Variants in PCDHA6 observed in about 807,000 individuals in gnomAD.
The protein encoded by PCDHA6 is protocadherin alpha-6.
PCDHA6 carries 55 observed loss-of-function variants against 60.3 expected under a neutral mutation model. The observed-to-expected ratio is 0.91, with a 90% CI of 0.73 to 1.14. The LOEUF is 1.14. Among genes scored for constraint, PCDHA6 ranks in the 50% most tolerant of loss-of-function variants. The pLI is 0.00. For synonymous variants in PCDHA6, 652 were observed against 557.9 expected (o/e 1.17, Z -2.38); for missense variants, 1,327 against 1,256.5 (o/e 1.06, Z -0.85).
chr5:140,844,004 C>G (rs1427252169), intron 1 of PCDHA6, among the ~76,000 whole-genome samples: 1 of 149,654 alleles, frequency 6.7e-6, no homozygotes, highest in Non-Finnish European at 1.5e-5. Context: ...CTGAACAATA[C>G]TCTAAGGACG....
intron 1 of PCDHA6, chr5:140,929,269 A>G (rs138062218): frequency 3.0e-5 from 49 of 1,611,106 alleles, no homozygotes; most frequent in African/African-American, 5.3e-5. Context: ...GAATTTGCCA[A>G]TATCCTGTAT....
At position 140,968,861 on chromosome 5, in the gene PCDHA6, C is replaced by G; in HGVS notation, c.2395-10088C>G. 1.9e-6 allele frequency: 3 copies of G among 1,614,182 alleles called. No homozygotes were observed. In the South Asian group the frequency reaches 3.3e-5, roughly 18 times the overall value. ...CACTCAGAGGCATGTTAAGAGCCCT[C>G]GGACATACTCTGAAATTACCCTTTA... is the stretch of plus-strand genomic sequence containing the variant. On this transcript the variant is annotated intron_variant, in intron 1 of 3. Coordinates refer to ENST00000529310, the MANE Select transcript of PCDHA6 (RefSeq NM_018909.4).
intron 1 of PCDHA6, chr5:140,843,709 C>A: frequency 6.3e-7 from 1 of 1,574,864 alleles, no homozygotes; most frequent in Non-Finnish European, 8.7e-7. Flanking sequence ...TTGATCATGG[C>A]CTCAAAGTAA....
intron 1 of PCDHA6, among the ~76,000 whole-genome samples, chr5:140,935,276 T>TA (rs1447867343): frequency 6.6e-6 from 1 of 152,226 alleles, no homozygotes; most frequent in African/African-American, 2.4e-5. Flanking sequence ...ACTAATCTAA[T>TA]AAAGTTCAGC....
At chr5:140,979,063 A>G (rs1245308340) in intron 2 of PCDHA6, 56 bp downstream of exon 2, 3 of 1,604,438 alleles carry the variant, frequency 1.9e-6, no homozygotes, top group East Asian at 4.5e-5. Context: ...TATGGCTCAG[A>G]TAAACTGCAT....
intron 1 of PCDHA6, chr5:140,843,534 C>T: frequency 6.3e-7 from 1 of 1,596,028 alleles, no homozygotes; most frequent in Non-Finnish European, 8.6e-7. Flanking sequence ...GGCAAGCCCA[C>T]TCTGGTGTGC....
At chr5:140,941,603 T>C (rs116946105) in intron 1 of PCDHA6, among the ~76,000 whole-genome samples, 1 of 152,024 alleles carries the variant, frequency 6.6e-6, no homozygotes, top group East Asian at 1.9e-4. Flanking sequence ...CCATGAGCCA[T>C]GGTGCCCAGC....
intron 1 of PCDHA6, chr5:140,969,073 G>A (rs781937942): frequency 1.4e-5 from 23 of 1,613,974 alleles, no homozygotes; most frequent in South Asian, 5.5e-5. Context: ...CCAGGATACC[G>A]CATGGCCTCA....
At chr5:140,848,649 C>T in intron 1 of PCDHA6, 3 of 1,593,016 alleles carry the variant, frequency 1.9e-6, no homozygotes, top group Admixed American at 1.7e-5. Context: ...CGCGCAGGAC[C>T]TGGGGCTGGA....
chr5:141,003,273 G>A (rs782391603), intron 3 of PCDHA6, among the ~76,000 whole-genome samples: 5 of 152,214 alleles, frequency 3.3e-5, no homozygotes, highest in Admixed American at 6.5e-5. Context: ...TAAGGGAAGT[G>A]CCCAAATTGG....
At chr5:140,915,589 T>C (rs1398530314) in intron 1 of PCDHA6, among the ~76,000 whole-genome samples, 1 of 151,900 alleles carries the variant, frequency 6.6e-6, no homozygotes, top group African/African-American at 2.4e-5. Context: ...AAAGCACTTG[T>C]TCTTTTCCCT....
chr5:140,870,944 C>A (rs1554164906), intron 1 of PCDHA6: 1 of 1,613,540 alleles, frequency 6.2e-7, no homozygotes, highest in Admixed American at 1.7e-5. Context: ...CAGCCGGCGG[C>A]GGGCGGCTCG....
At chr5:140,937,199 G>T (rs2091405017) in intron 1 of PCDHA6, among the ~76,000 whole-genome samples, 1 of 151,792 alleles carries the variant, frequency 6.6e-6, no homozygotes, top group African/African-American at 2.4e-5. Flanking sequence ...CACCATGCCC[G>T]GCTAATTTTT....
chr5:140,885,965 A>C (rs2060792569), intron 1 of PCDHA6, among the ~76,000 whole-genome samples: 1 of 152,070 alleles, frequency 6.6e-6, no homozygotes, highest in African/African-American at 2.4e-5. Context: ...TTTTATTTTG[A>C]GATAATTATA....
intron 2 of PCDHA6, among the ~76,000 whole-genome samples, chr5:140,980,905 A>G (rs182283088): frequency 1.5e-4 from 23 of 152,274 alleles, no homozygotes; most frequent in Admixed American, 1.4e-3. Context: ...ACATCATGTA[A>G]CTATTCTTTA....
At chr5:140,969,761 T>C (rs886878870) in intron 1 of PCDHA6, among the ~76,000 whole-genome samples, 1 of 152,234 alleles carries the variant, frequency 6.6e-6, no homozygotes, top group African/African-American at 2.4e-5. Flanking sequence ...TAAAAAGCTC[T>C]GAGGCCTCTA....
intron 1 of PCDHA6, chr5:140,869,391 C>T: frequency 6.2e-7 from 1 of 1,614,138 alleles, no homozygotes; most frequent in Non-Finnish European, 8.5e-7. Flanking sequence ...AGGAGCTGTG[C>T]GGGCAGAGCG....
At chr5:140,924,903 AAATAAAATAAAATAAAAT>A (rs2082154741) in intron 1 of PCDHA6, among the ~76,000 whole-genome samples, 1 of 54,856 alleles carries the variant, frequency 1.8e-5, no homozygotes, top group Non-Finnish European at 3.6e-5. Flanking sequence ...TCAAAAAAAA[AAATAAAATAAAATAAAAT>A]AAAATAAAAT....
intron 1 of PCDHA6, chr5:140,926,824 A>T: frequency 1.3e-6 from 2 of 1,496,944 alleles, no homozygotes; most frequent in Non-Finnish European, 1.8e-6. Context: ...GCTCTCCAGG[A>T]GTCCGGAGCA....
Sources: gnomAD v4.1 joint callset for allele counts (sites outside exome capture counted in the v4.1 genomes callset) on GRCh38, gnomAD v4.1.1 for gene constraint, MANE v1.5 for transcripts, NCBI Gene and HGNC (gene_info 2026-07-23, HGNC 2026-07-21) for gene names.